ASRGL1: variants seen among roughly 807,000 people sequenced by gnomAD.
The protein encoded by ASRGL1 is asparaginase and isoaspartyl peptidase 1.
ASRGL1 carries 16 observed loss-of-function variants against 22.4 expected under a neutral mutation model. The ratio of observed to expected loss-of-function variants is 0.71; its 90% CI spans 0.48 to 1.08. The LOEUF (loss-of-function observed/expected upper bound fraction) is 1.08. ASRGL1 is among the 50% of genes least tolerant of loss of function. The pLI, the probability that ASRGL1 is intolerant of heterozygous loss-of-function variation, is 0.00. For missense variants in ASRGL1, 412 were observed against 410.1 expected, an observed-to-expected ratio of 1.00 and a Z score of -0.04; for synonymous variants, 165 against 159.3, an observed-to-expected ratio of 1.04 and a Z score of -0.27.
chr11:62,354,279 A>G (rs905007182), intron 2 of ASRGL1, among the ~76,000 whole-genome samples: 3 of 152,254 alleles, frequency 2.0e-5, no homozygotes, highest in African/African-American at 7.2e-5. Flanking sequence ...GCAAAGGCAC[A>G]GAGACACGTG....
intron 4 of ASRGL1, among the ~76,000 whole-genome samples, chr11:62,364,700 G>A (rs1837203591): frequency 6.6e-6 from 1 of 152,176 alleles, no homozygotes; most frequent in Admixed American, 6.5e-5. Context: ...GCAGCAACTT[G>A]ATACTAAGTG....
chr11:62,348,564 G>A (rs1262587157), intron 2 of ASRGL1, among the ~76,000 whole-genome samples: 2 of 152,004 alleles, frequency 1.3e-5, no homozygotes, highest in Admixed American at 6.6e-5. Context: ...TTAGCTGGGC[G>A]TGGTGTCTCA....
chr11:62,378,855 G>A (rs1946994658), intron 4 of ASRGL1, among the ~76,000 whole-genome samples: 1 of 152,152 alleles, frequency 6.6e-6, no homozygotes, highest in South Asian at 2.1e-4. Context: ...TTAATGGAAT[G>A]GGTTTAGGAG....
chr11:62,391,565 C>T lies in ASRGL1; in HGVS notation c.654C>T (p.Thr218=), dbSNP rs1947338185. ...ACAATGACATCGGAGCCGTCTCAAC[C>T]ACAGGGCATGGGGAAAGCATCCTGA... ...YADNDIGAVS[T]TGHGESILKV... Residue 218 remains threonine (T), a synonymous_variant, in exon 6 of 7, where the codon ACC becomes ACT. Coordinates refer to ENST00000415229, the MANE Select transcript of ASRGL1 (RefSeq NM_001083926.2). The T allele has an allele frequency of 1.9e-6, 3 of 1,612,692 alleles. No individual in the cohort carries two copies. Among genetic ancestry groups the T allele is most frequent in the African/African-American group, 1.3e-5 (1 of 75,042 alleles).
intron 4 of ASRGL1, chr11:62,372,513 AGAGT>A: frequency 9.1e-7 from 1 of 1,103,480 alleles, no homozygotes; most frequent in Non-Finnish European, 1.4e-6. Flanking sequence ...CACAGCAGAT[AGAGT>A]ATGACTGCAA....
At chr11:62,362,891 A>ATTTTTTTTTTTTTTTTTTTTTT (rs60507577) in intron 4 of ASRGL1, among the ~76,000 whole-genome samples, 1 of 50,352 alleles carries the variant, frequency 2.0e-5, no homozygotes, top group Non-Finnish European at 3.3e-5. Context: ...AAAGGATTTA[A>ATTTTTTTTTTTTTTTTTTTTTT]TTTTTTTTTT....
the ASRGL1 span, among the ~76,000 whole-genome samples, chr11:62,400,903 C>A: frequency 3.9e-5 from 6 of 152,350 alleles, no homozygotes; most frequent in African/African-American, 1.2e-4. Flanking sequence ...AAACCAGACG[C>A]CCTGCCCCTC....
At chr11:62,359,796 T>C (rs1002427694) in intron 4 of ASRGL1, among the ~76,000 whole-genome samples, 1 of 152,106 alleles carries the variant, frequency 6.6e-6, no homozygotes, top group South Asian at 2.1e-4. Context: ...TTATGAATGG[T>C]TTTATTTTGA....
the ASRGL1 span, among the ~76,000 whole-genome samples, chr11:62,400,259 C>T: frequency 2.6e-5 from 4 of 152,216 alleles, no homozygotes; most frequent in African/African-American, 4.8e-5. Flanking sequence ...ACAGGGGGAA[C>T]AGTAGTAACC....
At chr11:62,379,082 C>G (rs1221654336) in intron 4 of ASRGL1, among the ~76,000 whole-genome samples, 1 of 152,132 alleles carries the variant, frequency 6.6e-6, no homozygotes, top group Non-Finnish European at 1.5e-5. Flanking sequence ...CTCAACCCCA[C>G]AGATGAAGTA....
intron 3 of ASRGL1, 63 bp downstream of exon 3, chr11:62,356,530 G>T: frequency 6.5e-7 from 1 of 1,545,560 alleles, no homozygotes; most frequent in Non-Finnish European, 8.9e-7. Context: ...AGTGATAAGG[G>T]CTCCAACTGT....
chr11:62,392,432 G>A lies in ASRGL1; in HGVS notation c.*148G>A, dbSNP rs1947362901. The A allele has an allele frequency of 5.2e-6, 5 of 954,316 alleles. No individual in the cohort carries two copies. The highest frequency in any genetic ancestry group is 3.3e-5 in the South Asian group (2 of 61,148). The allele number at this position is 954,316 out of a possible 1,614,324, so 59.1% of individuals were successfully genotyped here. ...GCCTTAATAAGCATCTGAATGTTTG[G>A]TTGTGGGGCGGGTTCTGAAGCGATG... On this transcript the variant is annotated 3_prime_UTR_variant, in exon 7 of 7. Coordinates refer to ENST00000415229, the MANE Select transcript of ASRGL1 (RefSeq NM_001083926.2).
chr11:62,395,927 A>G (rs554413802), downstream of ASRGL1, among the ~76,000 whole-genome samples: 42 of 151,300 alleles, frequency 2.8e-4, 1 homozygote, highest in African/African-American at 9.7e-4. Flanking sequence ...GCCCGCCACC[A>G]TGCCTGCCTA....
chr11:62,348,169 C>G (rs1417351443), intron 2 of ASRGL1, among the ~76,000 whole-genome samples: 1 of 152,126 alleles, frequency 6.6e-6, no homozygotes, highest in Non-Finnish European at 1.5e-5. Context: ...ACTTGAGCAT[C>G]CATGGATTTT....
chr11:62,339,215 A>C (rs1044897023), intron 2 of ASRGL1, among the ~76,000 whole-genome samples: 1 of 152,180 alleles, frequency 6.6e-6, no homozygotes, highest in Admixed American at 6.5e-5. Context: ...TTGGGGTAAA[A>C]TACTTCACTT....
intron 4 of ASRGL1, among the ~76,000 whole-genome samples, chr11:62,359,578 T>C (rs1490770514): frequency 1.3e-5 from 2 of 152,236 alleles, no homozygotes; most frequent in Non-Finnish European, 2.9e-5. Flanking sequence ...AAATCTGGTG[T>C]GTTTTACACT....
chr11:62,376,468 A>C (rs1367316961), intron 4 of ASRGL1, among the ~76,000 whole-genome samples: 1 of 151,542 alleles, frequency 6.6e-6, no homozygotes, highest in Non-Finnish European at 1.5e-5. Context: ...CACCTTCCCT[A>C]TTTCCCATGT....
intron 4 of ASRGL1, chr11:62,372,239 G>A: frequency 2.8e-6 from 4 of 1,433,090 alleles, no homozygotes; most frequent in Non-Finnish European, 3.9e-6. Flanking sequence ...CAGCGTGTGC[G>A]CGGAACCACA....
chr11:62,391,048 C>A (rs1301674664), intron 5 of ASRGL1, among the ~76,000 whole-genome samples: 1 of 152,232 alleles, frequency 6.6e-6, no homozygotes, highest in East Asian at 1.9e-4. Flanking sequence ...ATTATGCCCA[C>A]CCTCAACAAA....
Sources: allele counts gnomAD v4.1 joint callset (sites outside exome capture counted in the v4.1 genomes callset), GRCh38; gene constraint gnomAD v4.1.1; transcripts MANE v1.5; gene names NCBI Gene and HGNC (gene_info 2026-07-23, HGNC 2026-07-21).